ELMO1: variants seen among roughly 807,000 people sequenced by gnomAD.
ELMO1 encodes engulfment and cell motility 1.
A neutral mutation model predicts 98.9 loss-of-function variants in ELMO1; 26 were observed. The observed-to-expected ratio is 0.26, with a 90% CI of 0.19 to 0.36. ELMO1 has a LOEUF of 0.36. ELMO1 is among the 10% of genes least tolerant of loss of function. The probability of loss-of-function intolerance (pLI) is 1.00; values close to 1 mark genes in which losing one functional copy is unlikely to be tolerated. For missense variants in ELMO1, 627 were observed against 935.2 expected (o/e 0.67, Z 4.30); for synonymous variants, 346 against 346.0 (o/e 1.00, Z 0.00).
chr7:37,304,883 A>C (rs183698681), intron 4 of ELMO1, among the ~76,000 whole-genome samples: 1 of 152,184 alleles, frequency 6.6e-6, no homozygotes, highest in African/African-American at 2.4e-5. Context: ...TCTAACTGCA[A>C]ATAGTTGCAT....
At chr7:37,446,731 T>C (rs1356924653) in intron 1 of ELMO1, among the ~76,000 whole-genome samples, 6 of 152,134 alleles carry the variant, frequency 3.9e-5, no homozygotes, top group African/African-American at 7.2e-5. Flanking sequence ...CCCTGATACC[T>C]ACCATACTTC....
intron 1 of ELMO1, among the ~76,000 whole-genome samples, chr7:37,373,941 A>G (rs1242010562): frequency 6.6e-6 from 1 of 152,216 alleles, no homozygotes; most frequent in Non-Finnish European, 1.5e-5. Context: ...ATTTCTAAAG[A>G]TATATTGAAG....
intron 15 of ELMO1, among the ~76,000 whole-genome samples, chr7:37,095,174 A>G (rs1307630527): frequency 2.6e-5 from 4 of 152,050 alleles, no homozygotes; most frequent in African/African-American, 9.7e-5. Context: ...GAACACCACT[A>G]CTCACTCCAG....
intron 14 of ELMO1, among the ~76,000 whole-genome samples, chr7:37,113,870 C>G (rs1261281501): frequency 6.6e-6 from 1 of 152,082 alleles, no homozygotes; most frequent in Admixed American, 6.5e-5. Context: ...CGTTTACAAG[C>G]CAAAAAGGGA....
chr7:37,087,989 A>G (rs17170870), intron 15 of ELMO1, among the ~76,000 whole-genome samples: 1 of 152,114 alleles, frequency 6.6e-6, no homozygotes, highest in African/African-American at 2.4e-5. Flanking sequence ...GATGAACCAG[A>G]AGTGTTTCTA....
intron 14 of ELMO1, among the ~76,000 whole-genome samples, chr7:37,125,017 C>T (rs541158703): frequency 1.6e-4 from 24 of 152,042 alleles, no homozygotes; most frequent in Non-Finnish European, 2.9e-4. Flanking sequence ...ACAAACCTGA[C>T]AAAAACAAGA....
At chr7:37,297,185 C>T (rs1798072470) in intron 4 of ELMO1, among the ~76,000 whole-genome samples, 1 of 152,148 alleles carries the variant, frequency 6.6e-6, no homozygotes, top group Non-Finnish European at 1.5e-5. Flanking sequence ...CACTGTGCTC[C>T]TATCCATTAT....
intron 16 of ELMO1, among the ~76,000 whole-genome samples, chr7:37,010,438 G>A (rs903877949): frequency 5.3e-5 from 8 of 152,312 alleles, no homozygotes; most frequent in African/African-American, 1.9e-4. Context: ...AGATGATGCT[G>A]GATTATCCAG....
At position 36,947,069 on chromosome 7, in the gene ELMO1, A is replaced by G. The variant is rs552141125; in HGVS notation, c.1438-52052T>C. 1.8e-3 allele frequency among the ~76,000 whole-genome samples: 267 copies of G among 152,258 alleles called. 1 individual carries two copies. The highest frequency in any genetic ancestry group is 3.4e-3 in the Non-Finnish European group (232 of 68,014). On this transcript the variant is annotated intron_variant, in intron 16 of 21. Transcript: ENST00000310758. ...GGTTTGGACTTCTATTGAACCCGTC[A>G]CCCAAATAGTGAGCACAGTACCCAA... is the stretch of plus-strand genomic sequence containing the variant.
intron 17 of ELMO1, among the ~76,000 whole-genome samples, chr7:36,894,517 C>T (rs761076168): frequency 2.6e-5 from 4 of 152,186 alleles, no homozygotes; most frequent in Non-Finnish European, 4.4e-5. Context: ...AGGGCACCCA[C>T]ATGAAATATA....
intron 13 of ELMO1, among the ~76,000 whole-genome samples, chr7:37,206,910 T>C (rs1315745280): frequency 1.3e-5 from 2 of 151,798 alleles, no homozygotes; most frequent in African/African-American, 2.4e-5. Context: ...AAAAGCCTTG[T>C]CTGATTTTAA....
In ELMO1 at chr7:37,039,186, C is replaced by T. The variant is rs149015878; in HGVS notation, c.1301-25751G>A. Among the ~76,000 whole-genome samples, 132 of 152,252 alleles carry T rather than the reference C, an allele frequency of 8.7e-4. 1 individual carries two copies. In the East Asian group the frequency reaches 0.02, roughly 23 times the overall value. ...AACCACATGGATGCAAACAGGCTCA[C>T]AAAATGAATGGTCCTTTACATTATA... is the stretch of plus-strand genomic sequence containing the variant. On this transcript the variant is annotated intron_variant, in intron 15 of 21. Transcript: ENST00000310758.
intron 13 of ELMO1, among the ~76,000 whole-genome samples, chr7:37,193,355 C>T (rs1791762005): frequency 6.6e-6 from 1 of 152,160 alleles, no homozygotes; most frequent in African/African-American, 2.4e-5. Context: ...ATCTGCCTAA[C>T]ATTTTCCCAG....
At position 36,874,612 on chromosome 7, in the gene ELMO1, G is replaced by A. The variant is rs372083691; in HGVS notation, c.1822+3398C>T. On this transcript the variant is annotated intron_variant, in intron 19 of 21. Coordinates refer to ENST00000310758, the MANE Select transcript of ELMO1 (RefSeq NM_014800.11). ...GCCCACAGTGCCTCCCTGTGTCGCC[G>A]CTCTTCGCATCCACTGGAGCAGGCT... Among the ~76,000 whole-genome samples the A allele has an allele frequency of 1.2e-3, 187 of 152,150 alleles. 2 individuals are homozygous for A. The highest frequency in any genetic ancestry group is 0.012 in the Admixed American group (184 of 15,278).
chr7:37,054,384 T>C (rs1263903158), intron 15 of ELMO1, among the ~76,000 whole-genome samples: 1 of 152,146 alleles, frequency 6.6e-6, no homozygotes, highest in Non-Finnish European at 1.5e-5. Flanking sequence ...ACCAAGAAGA[T>C]GCATAAGACA....
At chr7:36,933,889 G>C (rs1984628) in intron 16 of ELMO1, among the ~76,000 whole-genome samples, 118,348 of 152,214 alleles carry the variant, frequency 0.78, 46,297 homozygotes, top group African/African-American at 0.86. Context: ...CAAGTTGCCC[G>C]TCCCATCTGA....
chr7:37,048,014 T>G lies in ELMO1; in HGVS notation c.1301-34579A>C, dbSNP rs116133383. Among the ~76,000 whole-genome samples the G allele has an allele frequency of 3.9e-3, 589 of 152,364 alleles. 6 individuals are homozygous for G. The highest frequency in any genetic ancestry group is 0.013 in the African/African-American group (557 of 41,586). On this transcript the variant is annotated intron_variant, in intron 15 of 21. Coordinates refer to ENST00000310758, the MANE Select transcript of ELMO1 (RefSeq NM_014800.11). ...TCATTCCACTCTTATCATAAATCAT[T>G]GGTTTGCCTTGTAGAACTAAATCTT...
intron 16 of ELMO1, among the ~76,000 whole-genome samples, chr7:36,904,415 G>A (rs1433177055): frequency 6.6e-6 from 1 of 152,188 alleles, no homozygotes; most frequent in African/African-American, 2.4e-5. Flanking sequence ...GCAGCTTCAA[G>A]CATCCTGAGA....
chr7:37,217,281 T>C (rs1793342053), intron 10 of ELMO1, among the ~76,000 whole-genome samples: 1 of 152,212 alleles, frequency 6.6e-6, no homozygotes, highest in East Asian at 1.9e-4. Context: ...TTTTGTGCCT[T>C]GGCATCTCCT....
Sources: gnomAD v4.1 joint callset for allele counts (sites outside exome capture counted in the v4.1 genomes callset) on GRCh38, gnomAD v4.1.1 for gene constraint, MANE v1.5 for transcripts, NCBI Gene and HGNC (gene_info 2026-07-23, HGNC 2026-07-21) for gene names.